Variants in ARL13A observed in about 807,000 individuals in gnomAD.
The protein encoded by ARL13A is ADP-ribosylation factor-like protein 13A.
A neutral mutation model predicts 19.1 loss-of-function variants in ARL13A; 16 were observed. The observed-to-expected ratio is 0.84, with a 90% CI of 0.57 to 1.27. The LOEUF (loss-of-function observed/expected upper bound fraction) is 1.27, where lower values mean the gene tolerates loss of function less well. ARL13A is among the 50% of genes most tolerant of loss of function. ARL13A has a pLI of 0.00. For synonymous variants in ARL13A, 69 were observed against 71.3 expected (o/e 0.97, Z 0.17); for missense variants, 153 against 186.4 (o/e 0.82, Z 1.04).
chrX:100,978,373 T>C (rs1230107598), intron 3 of ARL13A, among the ~76,000 whole-genome samples: 2 of 111,766 alleles, frequency 1.8e-5, no homozygotes, highest in African/African-American at 6.5e-5. Context: ...ATTTGCTTTG[T>C]ATATCTGGGT....
intron 3 of ARL13A, among the ~76,000 whole-genome samples, chrX:100,978,836 T>C (rs1001924904): frequency 3.6e-5 from 4 of 111,231 alleles, no homozygotes; most frequent in Non-Finnish European, 7.5e-5. Context: ...TTGCTTTATA[T>C]TTTTTGTCTA....
chrX:100,989,964 GT>G (rs1360992573), intron 7 of ARL13A, among the ~76,000 whole-genome samples: 1 of 112,575 alleles, frequency 8.9e-6, no homozygotes, highest in East Asian at 2.8e-4. Context: ...AAGAGGAAGT[GT>G]TTTTTTAGAT....
In ARL13A at chrX:100,986,705, C is replaced by A. The variant is rs770312401; in HGVS notation, c.381-91C>A. 5.8e-6 allele frequency: 3 copies of A among 513,846 alleles called. No homozygotes were observed. The African/African-American group carries it at 7.2e-5, about 12-fold the overall frequency. The allele number at this position is 513,846 out of a possible 1,213,427, so 42.3% of individuals were successfully genotyped here. ...TGTAGCAGTTATAGTAGAATTTGTT[C>A]TCCTCCTCTTTCCCTTCTTTTCTCG... On this transcript the variant is annotated intron_variant, in intron 4 of 7. Coordinates refer to ENST00000450049, the MANE Select transcript of ARL13A (RefSeq NM_001162491.2).
chrX:100,976,827 A>G (rs2085769899), intron 3 of ARL13A, among the ~76,000 whole-genome samples: 2 of 112,175 alleles, frequency 1.8e-5, no homozygotes, highest in Non-Finnish European at 3.8e-5. Flanking sequence ...CAAACTCCTG[A>G]CTTCAGGTGA....
At position 100,990,610 on chromosome X, in the gene ARL13A, G is replaced by T; in HGVS notation, c.*22G>T. On this transcript the variant is annotated 3_prime_UTR_variant, in exon 8 of 8. Coordinates refer to ENST00000450049, the MANE Select transcript of ARL13A (RefSeq NM_001162491.2). ...CTGAGAGGCTCAAGAAGAGTGAGAT[G>T]GCATCCATTGAGAATGAAGACCACC... 1.7e-6 allele frequency: 2 copies of T among 1,145,533 alleles called. No homozygotes were observed. Among genetic ancestry groups the T allele is most frequent in the Non-Finnish European group, 2.3e-6 (2 of 854,032 alleles). 94.4% of individuals were successfully genotyped at this position (1,145,533 alleles called of 1,213,427 possible).
intron 3 of ARL13A, 64 bp from the exon 4 acceptor site, chrX:100,985,603 C>T (rs1240481470): frequency 1.7e-6 from 2 of 1,147,641 alleles, no homozygotes; most frequent in Non-Finnish European, 2.3e-6. Context: ...CGACTCTACT[C>T]CTGTTAGATG....
intron 3 of ARL13A, among the ~76,000 whole-genome samples, chrX:100,976,307 G>A (rs1008217127): frequency 9.0e-6 from 1 of 110,499 alleles, no homozygotes; most frequent in African/African-American, 3.3e-5. Flanking sequence ...ATGCTATTTT[G>A]CCTGTGAGAA....
At chrX:100,990,435 G>T in intron 7 of ARL13A, 127 bp from the exon 8 acceptor site, 1 of 966,249 alleles carries the variant, frequency 1.0e-6, no homozygotes, top group Non-Finnish European at 1.3e-6. Context: ...TTCATCTCCA[G>T]AACTATCAGG....
At chrX:100,988,863 T>TC (rs1205177146) in intron 7 of ARL13A, among the ~76,000 whole-genome samples, 4 of 98,579 alleles carry the variant, frequency 4.1e-5, no homozygotes, top group African/African-American at 1.5e-4. Context: ...TATATATATA[T>TC]ATATATATAT....
chrX:100,990,618 T>G lies in ARL13A; in HGVS notation c.*30T>G. The G allele has an allele frequency of 8.8e-7, 1 of 1,136,001 alleles. No individual in the cohort carries two copies. The highest frequency in any genetic ancestry group is 1.2e-6 in the Non-Finnish European group (1 of 845,161). 93.6% of individuals were successfully genotyped at this position (1,136,001 alleles called of 1,213,427 possible). ...CTCAAGAAGAGTGAGATGGCATCCA[T>G]TGAGAATGAAGACCACCTTGGTAAA... On this transcript the variant is annotated 3_prime_UTR_variant, in exon 8 of 8. Transcript: ENST00000450049.
intron 4 of ARL13A, among the ~76,000 whole-genome samples, chrX:100,986,508 T>G (rs2085937096): frequency 8.9e-6 from 1 of 112,123 alleles, no homozygotes; most frequent in Admixed American, 9.5e-5. Context: ...ATAGCCCAGT[T>G]AGCAATTCTA....
chrX:100,977,127 T>C (rs1445283402), intron 3 of ARL13A, among the ~76,000 whole-genome samples: 1 of 111,643 alleles, frequency 9.0e-6, no homozygotes, highest in Admixed American at 9.5e-5. Flanking sequence ...AATGATCAAA[T>C]CAGGGTAAAT....
chrX:100,970,684 TCA>T (rs2085641032), intron 1 of ARL13A, among the ~76,000 whole-genome samples: 1 of 104,208 alleles, frequency 9.6e-6, no homozygotes, highest in Non-Finnish European at 1.9e-5. Flanking sequence ...GGTTTCACAT[TCA>T]CAAATATCCT....
chrX:100,972,482 G>T (rs1435155371), intron 1 of ARL13A, among the ~76,000 whole-genome samples: 184 of 95,144 alleles, frequency 1.9e-3, no homozygotes, highest in South Asian at 0.013. Flanking sequence ...GGCCGGGCAG[G>T]GGGGCTGACC....
chrX:100,989,382 C>T (rs905696926), intron 7 of ARL13A, among the ~76,000 whole-genome samples: 3 of 110,319 alleles, frequency 2.7e-5, no homozygotes, highest in Non-Finnish European at 5.7e-5. Context: ...GAGGCTGAGG[C>T]GGGCGGATCA....
At chrX:100,978,322 G>T (rs2085800009) in intron 3 of ARL13A, among the ~76,000 whole-genome samples, 1 of 111,567 alleles carries the variant, frequency 9.0e-6, no homozygotes, top group African/African-American at 3.3e-5. Context: ...TCCAATTATT[G>T]CTGTATTGGG....
chrX:100,974,362 CTCTG>C (rs2085728695), intron 3 of ARL13A, among the ~76,000 whole-genome samples, 165 bp downstream of exon 3: 1 of 109,260 alleles, frequency 9.2e-6, no homozygotes, highest in African/African-American at 3.3e-5. Context: ...CTCTATCTCT[CTCTG>C]TCTCTCTCTC....
At chrX:100,976,319 G>C (rs1167048844) in intron 3 of ARL13A, among the ~76,000 whole-genome samples, 1 of 110,428 alleles carries the variant, frequency 9.1e-6, no homozygotes, top group African/African-American at 3.3e-5. Context: ...CTGTGAGAAT[G>C]GTGTGTTTCC....
chrX:100,981,507 T>A (rs1360234276), intron 3 of ARL13A, among the ~76,000 whole-genome samples: 1 of 109,580 alleles, frequency 9.1e-6, no homozygotes, highest in African/African-American at 3.3e-5. Flanking sequence ...TTCCTTGACA[T>A]GATGTTATAA....
Sources: allele counts gnomAD v4.1 joint callset (sites outside exome capture counted in the v4.1 genomes callset), GRCh38; gene constraint gnomAD v4.1.1; transcripts MANE v1.5; gene names NCBI Gene and HGNC (gene_info 2026-07-23, HGNC 2026-07-21).